The following RCSD1 variants were observed in gnomAD, a reference collection of about 807,000 sequenced individuals.
The protein encoded by RCSD1 is RCSD domain containing 1, also known as capZ-interacting protein.
RCSD1 carries 26 observed loss-of-function variants against 42.5 expected under a neutral mutation model. The ratio of observed to expected loss-of-function variants is 0.61; its 90% CI spans 0.45 to 0.85. RCSD1 has a LOEUF of 0.85. Ranked by LOEUF, RCSD1 falls within the 40% of genes least tolerant of loss-of-function variation. RCSD1 has a pLI of 0.00. For synonymous variants in RCSD1, 220 were observed against 212.2 expected, an observed-to-expected ratio of 1.04 and a Z score of -0.32; for missense variants, 571 against 528.3, an observed-to-expected ratio of 1.08 and a Z score of -0.79.
At chr1:167,701,299 TCTTTCTTTCTTTCTTTC>T in intron 6 of RCSD1, among the ~76,000 whole-genome samples, 1 of 149,900 alleles carries the variant, frequency 6.7e-6, no homozygotes, top group African/African-American at 2.5e-5. Flanking sequence ...TTTCTTTCTT[TCTTTCTTTCTTTCTTTC>T]TTTTTTTTAG....
intron 3 of RCSD1, among the ~76,000 whole-genome samples, chr1:167,687,384 G>T (rs534854628): frequency 5.7e-4 from 86 of 151,910 alleles, no homozygotes; most frequent in Non-Finnish European, 1.1e-3. Context: ...ATTAGCAGGC[G>T]TGGTGGCAGG....
chr1:167,700,030 TC>T (rs1659600638), intron 6 of RCSD1, among the ~76,000 whole-genome samples: 1 of 152,232 alleles, frequency 6.6e-6, no homozygotes, highest in Non-Finnish European at 1.5e-5. Flanking sequence ...TAATTGTATT[TC>T]TCTACTCCTT....
At chr1:167,647,180 A>T (rs534514496) in intron 1 of RCSD1, among the ~76,000 whole-genome samples, 1 of 152,012 alleles carries the variant, frequency 6.6e-6, no homozygotes, top group African/African-American at 2.4e-5. Flanking sequence ...TTACTTGTCC[A>T]TTAGGCACAT....
intron 1 of RCSD1, among the ~76,000 whole-genome samples, chr1:167,682,226 G>C (rs1342683764): frequency 6.7e-6 from 1 of 150,198 alleles, no homozygotes; most frequent in African/African-American, 2.5e-5. Context: ...CTGGAGTGCA[G>C]TGGTGTGATC....
At chr1:167,670,090 T>C (rs1208026510) in intron 1 of RCSD1, among the ~76,000 whole-genome samples, 5 of 152,020 alleles carry the variant, frequency 3.3e-5, no homozygotes, top group Non-Finnish European at 7.4e-5. Context: ...GGCTGTAACA[T>C]ACCCCAGGAC....
chr1:167,660,600 A>T (rs952589020), intron 1 of RCSD1, among the ~76,000 whole-genome samples: 2 of 151,900 alleles, frequency 1.3e-5, no homozygotes, highest in Admixed American at 1.3e-4. Context: ...TACCTCTTGA[A>T]TATGTAGGAC....
chr1:167,657,448 G>A (rs1189244558), intron 1 of RCSD1, among the ~76,000 whole-genome samples: 5 of 152,220 alleles, frequency 3.3e-5, no homozygotes, highest in Non-Finnish European at 7.3e-5. Context: ...CAATAGCAAA[G>A]GGACAGCATT....
intron 1 of RCSD1, among the ~76,000 whole-genome samples, chr1:167,665,956 C>T (rs1252152314): frequency 6.6e-6 from 1 of 152,084 alleles, no homozygotes; most frequent in Admixed American, 6.5e-5. Context: ...AGATTACAGG[C>T]GTGTGCCACC....
chr1:167,645,527 C>T (rs1027663166), intron 1 of RCSD1, among the ~76,000 whole-genome samples: 2 of 152,152 alleles, frequency 1.3e-5, no homozygotes, highest in Non-Finnish European at 2.9e-5. Flanking sequence ...AGAGAAAGAA[C>T]ATTCTCAACT....
intron 1 of RCSD1, among the ~76,000 whole-genome samples, chr1:167,650,850 C>T (rs1017766582): frequency 3.9e-5 from 6 of 152,156 alleles, no homozygotes; most frequent in Non-Finnish European, 7.4e-5. Flanking sequence ...GCAGCTTCCC[C>T]GAGGCCAAGT....
At chr1:167,691,542 A>G (rs890923283) in intron 4 of RCSD1, among the ~76,000 whole-genome samples, 19 of 152,214 alleles carry the variant, frequency 1.2e-4, no homozygotes, top group African/African-American at 3.9e-4. Context: ...AGGAGAAGGA[A>G]CAAGGTGCTT....
At chr1:167,680,778 C>A (rs1373327775) in intron 1 of RCSD1, among the ~76,000 whole-genome samples, 1 of 152,196 alleles carries the variant, frequency 6.6e-6, no homozygotes, top group African/African-American at 2.4e-5. Flanking sequence ...CAGCCAAGTA[C>A]ATGCTATGTT....
chr1:167,634,329 A>G (rs535256791), intron 1 of RCSD1, among the ~76,000 whole-genome samples: 1 of 152,314 alleles, frequency 6.6e-6, no homozygotes, highest in Admixed American at 6.5e-5. Context: ...AATGGGCACC[A>G]AGAAAGGCTT....
rs576524386 is a variant in RCSD1, at chr1:167,689,257, G to A, written c.199-792G>A. On this transcript the variant is annotated intron_variant, in intron 3 of 6. Transcript: ENST00000367854. ...AATCCCAGCACTTTGGGAGGTGGGT[G>A]GATCACCTGAGGTCAGGAGTTCGAG... 5.9e-5 allele frequency among the ~76,000 whole-genome samples: 9 copies of A among 152,262 alleles called. No individual in the cohort carries two copies. In the East Asian group the frequency reaches 9.7e-4, roughly 16 times the overall value.
intron 1 of RCSD1, among the ~76,000 whole-genome samples, chr1:167,643,632 C>T (rs1276970115): frequency 6.6e-6 from 1 of 152,040 alleles, no homozygotes; most frequent in African/African-American, 2.4e-5. Flanking sequence ...TAAGAGCACA[C>T]ACAGAGAGCC....
At chr1:167,645,994 G>A (rs142806320) in intron 1 of RCSD1, among the ~76,000 whole-genome samples, 82 of 152,286 alleles carry the variant, frequency 5.4e-4, no homozygotes, top group African/African-American at 1.8e-3. Context: ...CCAAGGCACC[G>A]GTGAGAGGTG....
At chr1:167,658,139 A>G (rs1658462603) in intron 1 of RCSD1, among the ~76,000 whole-genome samples, 1 of 152,130 alleles carries the variant, frequency 6.6e-6, no homozygotes, top group African/African-American at 2.4e-5. Flanking sequence ...CACTGGGTTT[A>G]TGCAGCAGTG....
At chr1:167,640,914 A>T (rs1657988510) in intron 1 of RCSD1, among the ~76,000 whole-genome samples, 1 of 152,176 alleles carries the variant, frequency 6.6e-6, no homozygotes, top group South Asian at 2.1e-4. Flanking sequence ...CCTGCTATCC[A>T]TATAAAGGTA....
chr1:167,632,674 T>G (rs1057269730), intron 1 of RCSD1, among the ~76,000 whole-genome samples: 2 of 91,000 alleles, frequency 2.2e-5, no homozygotes, highest in Non-Finnish European at 4.9e-5. Flanking sequence ...GCCTGACAAA[T>G]CACCCTGCGT....
Sources: gnomAD v4.1 joint callset for allele counts (sites outside exome capture counted in the v4.1 genomes callset) on GRCh38, gnomAD v4.1.1 for gene constraint, MANE v1.5 for transcripts, NCBI Gene and HGNC (gene_info 2026-07-23, HGNC 2026-07-21) for gene names.